CNTNAP2: variants seen among roughly 807,000 people sequenced by gnomAD.
CNTNAP2 encodes contactin-associated protein-like 2.
Under a neutral mutation model 155.2 loss-of-function variants are expected in CNTNAP2, and 98 were observed. The observed-to-expected ratio is 0.63, with a 90% CI of 0.54 to 0.75. The LOEUF (loss-of-function observed/expected upper bound fraction) is 0.75, where lower values mean the gene tolerates loss of function less well. Among genes scored for constraint, CNTNAP2 ranks in the 30% least tolerant of loss-of-function variants. The pLI, the probability that CNTNAP2 is intolerant of heterozygous loss-of-function variation, is 0.00. For missense variants in CNTNAP2, 1,727 were observed against 1,688.1 expected (o/e 1.02, Z -0.40); for synonymous variants, 651 against 631.2 (o/e 1.03, Z -0.47).
chr7:147,129,051 G>C (rs1215436691), intron 7 of CNTNAP2, among the ~76,000 whole-genome samples: 1 of 152,060 alleles, frequency 6.6e-6, no homozygotes, highest in African/African-American at 2.4e-5. Flanking sequence ...TAGGTGGTTG[G>C]TTTTATTCCC....
chr7:147,015,324 T>C (rs1349931207), intron 3 of CNTNAP2, among the ~76,000 whole-genome samples: 1 of 152,144 alleles, frequency 6.6e-6, no homozygotes, highest in Non-Finnish European at 1.5e-5. Context: ...ATAAAGTTCT[T>C]AGCACCTGTC....
At chr7:147,878,192 T>C (rs1172101271) in intron 13 of CNTNAP2, among the ~76,000 whole-genome samples, 1 of 152,094 alleles carries the variant, frequency 6.6e-6, no homozygotes, top group Non-Finnish European at 1.5e-5. Context: ...ATAGGTATTC[T>C]ATTTTATTAC....
At chr7:146,987,316 C>T (rs902887725) in intron 3 of CNTNAP2, among the ~76,000 whole-genome samples, 5 of 152,042 alleles carry the variant, frequency 3.3e-5, no homozygotes, top group African/African-American at 1.2e-4. Context: ...ATTTTAAAAG[C>T]ATTTATTATT....
intron 1 of CNTNAP2, among the ~76,000 whole-genome samples, chr7:146,125,860 T>C (rs1584761284): frequency 6.6e-6 from 1 of 152,310 alleles, no homozygotes; most frequent in South Asian, 2.1e-4. Context: ...TGTAACAATT[T>C]ACATTTTCAG....
At chr7:147,709,971 A>G (rs117004893) in intron 13 of CNTNAP2, among the ~76,000 whole-genome samples, 4,277 of 152,138 alleles carry the variant, frequency 0.028, 85 homozygotes, top group Middle Eastern at 0.11. Context: ...TGCTTGTCAT[A>G]AGATGCCCAA....
Position 147,646,088 on chromosome 7 carries a change from T to G in CNTNAP2, c.2098+6782T>G, listed in dbSNP as rs533585380. On this transcript the variant is annotated intron_variant, in intron 13 of 23. Transcript: ENST00000361727. ...TGTCCGCACCAGAGTGCACATGGAC[T>G]GCATGTCTGGGAGGCCAGCTGGGAC... Among the ~76,000 whole-genome samples, 5 of 152,352 alleles carry G rather than the reference T, an allele frequency of 3.3e-5. No individual in the cohort carries two copies. In the South Asian group the frequency reaches 1.0e-3, roughly 32 times the overall value.
intron 15 of CNTNAP2, among the ~76,000 whole-genome samples, chr7:148,043,394 G>A (rs1585093969): frequency 1.3e-5 from 2 of 152,120 alleles, no homozygotes; most frequent in East Asian, 1.9e-4. Flanking sequence ...CACACAGGAG[G>A]CCTCTTCATT....
intron 3 of CNTNAP2, 48 bp from the exon 4 acceptor site, chr7:147,043,858 GT>G: frequency 1.2e-6 from 2 of 1,605,388 alleles, no homozygotes; most frequent in Non-Finnish European, 8.5e-7. Flanking sequence ...GGACATGATT[GT>G]TTCTAAAGTA....
intron 1 of CNTNAP2, among the ~76,000 whole-genome samples, chr7:146,438,993 A>T (rs1796282038): frequency 6.6e-6 from 1 of 151,470 alleles, no homozygotes; most frequent in African/African-American, 2.5e-5. Context: ...TAATTTATTC[A>T]TGTTAGCTTT....
At chr7:146,965,971 G>A (rs1321870655) in intron 3 of CNTNAP2, among the ~76,000 whole-genome samples, 1 of 152,194 alleles carries the variant, frequency 6.6e-6, no homozygotes, top group Non-Finnish European at 1.5e-5. Context: ...CTTGGCATCA[G>A]TTCTGACTCT....
At chr7:147,586,310 G>A (rs1427839094) in intron 12 of CNTNAP2, among the ~76,000 whole-genome samples, 2 of 150,836 alleles carry the variant, frequency 1.3e-5, no homozygotes, top group African/African-American at 4.9e-5. Context: ...GGTCTGTGTT[G>A]ATGTTAATGC....
intron 9 of CNTNAP2, among the ~76,000 whole-genome samples, chr7:147,372,195 T>A (rs984068757): frequency 2.0e-5 from 3 of 152,116 alleles, no homozygotes; most frequent in Admixed American, 2.0e-4. Context: ...TCTTCTAAAC[T>A]TAGCTAATGT....
intron 1 of CNTNAP2, among the ~76,000 whole-genome samples, chr7:146,584,359 T>C (rs906735146): frequency 2.0e-5 from 3 of 152,164 alleles, no homozygotes; most frequent in Non-Finnish European, 4.4e-5. Context: ...GCCTAGCGCA[T>C]AGGAAAACTG....
At chr7:146,943,104 TAA>T (rs1797088934) in intron 3 of CNTNAP2, among the ~76,000 whole-genome samples, 2 of 152,214 alleles carry the variant, frequency 1.3e-5, no homozygotes, top group African/African-American at 4.8e-5. Context: ...TTTTGACTCC[TAA>T]AAAACATTAT....
At chr7:147,545,522 T>C (rs957853223) in intron 11 of CNTNAP2, among the ~76,000 whole-genome samples, 9 of 152,138 alleles carry the variant, frequency 5.9e-5, no homozygotes, top group African/African-American at 2.2e-4. Context: ...ATGATTCGAA[T>C]AGGTTATCAG....
At chr7:146,198,264 T>A (rs187371608) in intron 1 of CNTNAP2, among the ~76,000 whole-genome samples, 1 of 152,268 alleles carries the variant, frequency 6.6e-6, no homozygotes, top group African/African-American at 2.4e-5. Flanking sequence ...ATAGGGAAAG[T>A]GATATATTCT....
chr7:147,313,671 T>C (rs1162996401), intron 9 of CNTNAP2, among the ~76,000 whole-genome samples: 2 of 152,160 alleles, frequency 1.3e-5, no homozygotes, highest in African/African-American at 2.4e-5. Context: ...TGTAGCCTTG[T>C]AGTATAGCTT....
At chr7:146,866,547 T>C (rs1585128919) in intron 3 of CNTNAP2, among the ~76,000 whole-genome samples, 1 of 152,158 alleles carries the variant, frequency 6.6e-6, no homozygotes, top group East Asian at 1.9e-4. Flanking sequence ...AGTTGTGCTT[T>C]ATTTCTAATT....
intron 3 of CNTNAP2, among the ~76,000 whole-genome samples, chr7:146,892,935 C>A (rs1395885739): frequency 1.3e-5 from 2 of 152,102 alleles, no homozygotes; most frequent in African/African-American, 4.8e-5. Flanking sequence ...ATTTAAATCT[C>A]TATATGCAGA....
Sources: gnomAD v4.1 joint callset for allele counts (sites outside exome capture counted in the v4.1 genomes callset) on GRCh38, gnomAD v4.1.1 for gene constraint, MANE v1.5 for transcripts, NCBI Gene and HGNC (gene_info 2026-07-23, HGNC 2026-07-21) for gene names.